KIF1B: variants seen among roughly 807,000 people sequenced by gnomAD.
The protein encoded by KIF1B is kinesin family member 1B, also known as kinesin-like protein KIF1B.
In KIF1B, 76 loss-of-function variants were observed where a neutral mutation model predicts 241.9. That is an observed-to-expected ratio of 0.31 (90% CI 0.26 to 0.38). The LOEUF (loss-of-function observed/expected upper bound fraction) is 0.38. KIF1B is among the 10% of genes least tolerant of loss of function. The probability of loss-of-function intolerance (pLI) is 1.00; values close to 1 mark genes in which losing one functional copy is unlikely to be tolerated. For synonymous variants in KIF1B, 750 were observed against 796.7 expected (o/e 0.94, Z 0.99); for missense variants, 1,622 against 2,271.4 (o/e 0.71, Z 5.81).
intron 44 of KIF1B, among the ~76,000 whole-genome samples, chr1:10,369,801 G>A (rs1460501619): frequency 4.0e-5 from 6 of 151,118 alleles, no homozygotes; most frequent in East Asian, 2.0e-4. Flanking sequence ...ATATGGTGGC[G>A]CATGCCTGTA....
At chr1:10,343,204 C>G in intron 33 of KIF1B, 28 bp from the exon 34 acceptor site, 1 of 1,613,082 alleles carries the variant, frequency 6.2e-7, no homozygotes, top group Non-Finnish European at 8.5e-7. Flanking sequence ...TCTTTATAGT[C>G]TTGATCTTTG....
chr1:10,240,989 T>A (rs1647129039), intron 2 of KIF1B, among the ~76,000 whole-genome samples: 1 of 152,210 alleles, frequency 6.6e-6, no homozygotes, highest in Admixed American at 6.5e-5. Flanking sequence ...AGGTTCTTCA[T>A]TTATTGAGTG....
rs184314285 is a variant in KIF1B, at chr1:10,341,912, A to G, written c.3514-138A>G. The G allele has an allele frequency of 1.0e-3, 716 of 693,956 alleles. 1 individual carries two copies. In the African/African-American group the frequency reaches 0.011, roughly 11 times the overall value. The allele number at this position is 693,956 out of a possible 1,614,324, so 43.0% of individuals were successfully genotyped here. A position where few individuals can be genotyped will look rare whatever the true frequency, so the allele number is the denominator to read the frequency against. ...CTTGAGCCCGGGAGGGTGAGGCCGC[A>G]TGAGCCTTGTTTGCGTGCTACAGAG... On this transcript the variant is annotated intron_variant, in intron 32 of 48. Coordinates refer to ENST00000676179, the MANE Select transcript of KIF1B (RefSeq NM_001365951.3).
chr1:10,372,697 TC>T (rs1224684781), intron 45 of KIF1B, among the ~76,000 whole-genome samples: 1 of 130,948 alleles, frequency 7.6e-6, no homozygotes. Flanking sequence ...CGGCGCAATC[TC>T]GGCTCACTGC....
At chr1:10,343,788 T>C (rs954768056) in intron 34 of KIF1B, among the ~76,000 whole-genome samples, 3 of 146,286 alleles carry the variant, frequency 2.1e-5, no homozygotes, top group Non-Finnish European at 4.7e-5. Context: ...TAAAATAAAG[T>C]AATAAAATAA....
Position 10,360,910 on chromosome 1 carries a change from C to G in KIF1B, c.4056-19C>G, listed in dbSNP as rs753780102. ...TTTAGCTTCTTTTGGATGATTCCCTCTTGTCTTTCTGACCTTAGGACCTTC... is the reference window on the plus strand; with the variant it reads ...TTTAGCTTCTTTTGGATGATTCCCTGTTGTCTTTCTGACCTTAGGACCTTC... On this transcript the variant is annotated intron_variant, in intron 38 of 48. Transcript: ENST00000676179. 2 of 1,543,710 alleles carry G rather than the reference C, an allele frequency of 1.3e-6. No individual in the cohort carries two copies. Among genetic ancestry groups the G allele is most frequent in the Admixed American group, 3.3e-5 (2 of 59,950 alleles).
chr1:10,303,187 G>T lies in KIF1B; in HGVS notation c.2115+5941G>T, dbSNP rs1650627885. The T allele has an allele frequency of 1.2e-6, 2 of 1,613,406 alleles. No homozygotes were observed. The highest frequency in any genetic ancestry group is 1.7e-6 in the Non-Finnish European group (2 of 1,179,686). ...GGACGCGGATTCTGATAGCGGGGAC[G>T]ATTCTGACAAGAGGTCGTGTGAAGA... On this transcript the variant is annotated intron_variant, in intron 22 of 48. Coordinates refer to ENST00000676179, the MANE Select transcript of KIF1B (RefSeq NM_001365951.3). The surrounding 1 kb of genome is among the most constrained non-coding windows in gnomAD (Gnocchi z 5.2).
chr1:10,320,872 T>C (rs1029513090), intron 23 of KIF1B, among the ~76,000 whole-genome samples: 3 of 151,980 alleles, frequency 2.0e-5, no homozygotes, highest in African/African-American at 7.3e-5. Context: ...CAGCTAATTT[T>C]GTGTTTTTAG....
intron 1 of KIF1B, among the ~76,000 whole-genome samples, chr1:10,220,204 C>CA (rs36083785): frequency 2.8e-3 from 295 of 105,730 alleles, no homozygotes; most frequent in South Asian, 7.3e-3. Context: ...AACTCCGTCT[C>CA]AAAAAAAAAA....
At chr1:10,332,796 T>C (rs1267742928) in intron 27 of KIF1B, among the ~76,000 whole-genome samples, 2 of 149,412 alleles carry the variant, frequency 1.3e-5, no homozygotes, top group Non-Finnish European at 3.0e-5. Flanking sequence ...ATTACAAGCA[T>C]GAGCCACCGC....
At chr1:10,218,176 T>C (rs1374151693) in intron 1 of KIF1B, among the ~76,000 whole-genome samples, 1 of 152,184 alleles carries the variant, frequency 6.6e-6, no homozygotes, top group African/African-American at 2.4e-5. Flanking sequence ...CACTACAGGC[T>C]GGCTTCAGTG....
chr1:10,282,239 A>C, intron 14 of KIF1B, 83 bp from the exon 15 acceptor site: 1 of 1,082,304 alleles, frequency 9.2e-7, no homozygotes, highest in Non-Finnish European at 1.4e-6. Flanking sequence ...TCTTACAACG[A>C]TATTCCTTCC....
intron 2 of KIF1B, among the ~76,000 whole-genome samples, chr1:10,233,337 C>T (rs1030490668): frequency 2.0e-4 from 30 of 152,000 alleles, no homozygotes; most frequent in African/African-American, 5.1e-4. Context: ...ATTTGAAGGC[C>T]GGGTGTGGTG....
intron 37 of KIF1B, among the ~76,000 whole-genome samples, chr1:10,349,519 T>C (rs1652711380): frequency 6.6e-6 from 1 of 152,098 alleles, no homozygotes; most frequent in South Asian, 2.1e-4. Context: ...GCAGAATGCT[T>C]TGATGAATAA....
At position 10,303,695 on chromosome 1, in the gene KIF1B, A is replaced by G. The variant is rs776776533; in HGVS notation, c.2115+6449A>G. 6.2e-7 allele frequency: 1 copy of G among 1,614,238 alleles called. No homozygotes were observed. Among genetic ancestry groups the G allele is most frequent in the Non-Finnish European group, 8.5e-7 (1 of 1,180,034 alleles). ...ATTTTGCAAGAAGTCAAAAAGCAAA[A>G]TAACATGAAAGACGAGGAGATAAAA... On this transcript the variant is annotated intron_variant, in intron 22 of 48. Coordinates refer to ENST00000676179, the MANE Select transcript of KIF1B (RefSeq NM_001365951.3). The surrounding 1 kb of genome is among the most constrained non-coding windows in gnomAD (Gnocchi z 5.2).
chr1:10,231,015 A>T (rs2102126295), intron 1 of KIF1B: 1 of 152,312 alleles, frequency 6.6e-6, no homozygotes, highest in African/African-American at 2.4e-5. Flanking sequence ...GTTCGAGACC[A>T]GCCTGGTTGA....
rs771692733 is a variant in KIF1B, at chr1:10,321,834, A to G, written c.2335A>G (p.Ile779Val). ...CGTGTACCTAAAGGAGGCCAATGCC[A>G]TCAGTGTGGAACTGAAAAAGAAGGT... ...NAVYLKEANA[I>V]SVELKKKVQF... Residue 779 changes from isoleucine to valine, a missense_variant, in exon 24 of 49, where the codon ATC becomes GTC. Around this residue, in one of 7 missense-constraint regions of KIF1B, gnomAD observed 803 missense variants for 1,112.0 expected, o/e 0.72. Transcript: ENST00000676179. 3.7e-6 allele frequency: 6 copies of G among 1,614,230 alleles called. No homozygotes were observed. The South Asian group carries it at 4.4e-5, about 12-fold the overall frequency.
intron 22 of KIF1B, chr1:10,306,733 G>C (rs1650846428): frequency 1.1e-6 from 1 of 893,250 alleles, no homozygotes. Context: ...CTGCAGCCAG[G>C]ACAACAGAGT....
chr1:10,282,589 A>G (rs1649467094), intron 15 of KIF1B, 56 bp downstream of exon 15: 2 of 1,408,776 alleles, frequency 1.4e-6, no homozygotes. Context: ...ACAAGGAAGA[A>G]CTAGGAGTAA....
Sources: allele counts gnomAD v4.1 joint callset (sites outside exome capture counted in the v4.1 genomes callset), GRCh38; gene constraint gnomAD v4.1.1; regional missense constraint gnomAD v4.1.1; non-coding constraint Gnocchi (gnomAD v3.1); transcripts MANE v1.5; gene names NCBI Gene and HGNC (gene_info 2026-07-23, HGNC 2026-07-21).